GALNT13: variants seen among roughly 807,000 people sequenced by gnomAD.
The protein encoded by GALNT13 is UDP-GalNAc:polypeptide N-acetylgalactosaminyltransferase 13.
Under a neutral mutation model 64.2 loss-of-function variants are expected in GALNT13, and 28 were observed. The ratio of observed to expected loss-of-function variants is 0.44; its 90% confidence interval spans 0.32 to 0.60. The LOEUF is 0.60. Ranked by LOEUF, GALNT13 falls within the 20% of genes least tolerant of loss-of-function variation. The pLI, the probability that GALNT13 is intolerant of heterozygous loss-of-function variation, is 0.05. For missense variants in GALNT13, 577 were observed against 669.8 expected (o/e 0.86, Z 1.53); for synonymous variants, 214 against 224.6 (o/e 0.95, Z 0.42).
the GALNT13 span, among the ~76,000 whole-genome samples, chr2:153,209,222 C>T: frequency 3.3e-5 from 5 of 151,974 alleles, no homozygotes; most frequent in Non-Finnish European, 2.9e-5. Context: ...CCTCAAGATC[C>T]ACCCGCCTCG....
intron 4 of GALNT13, among the ~76,000 whole-genome samples, chr2:154,226,344 T>TA (rs1270714825): frequency 2.0e-5 from 3 of 152,148 alleles, no homozygotes; most frequent in African/African-American, 7.2e-5. Flanking sequence ...ATGCACTAAA[T>TA]ACACAGTATC....
chr2:154,287,204 G>T, intron 8 of GALNT13: 1 of 1,455,098 alleles, frequency 6.9e-7, no homozygotes, highest in African/African-American at 1.4e-5. Context: ...GGCCAGATTT[G>T]TGGTGGAAAA....
chr2:153,900,378 G>A (rs577279218), intron 1 of GALNT13, among the ~76,000 whole-genome samples: 1 of 152,210 alleles, frequency 6.6e-6, no homozygotes, highest in Admixed American at 6.5e-5. Flanking sequence ...GGAACTGTTT[G>A]TGTATTTTTG....
chr2:153,466,152 TTCTC>T, the GALNT13 span, among the ~76,000 whole-genome samples: 1 of 152,124 alleles, frequency 6.6e-6, no homozygotes, highest in Non-Finnish European at 1.5e-5. Flanking sequence ...AGAGAATTTA[TTCTC>T]TCTCAAAGCA....
chr2:153,699,728 C>T, the GALNT13 span, among the ~76,000 whole-genome samples: 2 of 152,018 alleles, frequency 1.3e-5, no homozygotes, highest in Non-Finnish European at 2.9e-5. Context: ...ATGCAAATAA[C>T]CTAGAAAATC....
At chr2:153,839,723 T>C in the GALNT13 span, among the ~76,000 whole-genome samples, 1 of 151,956 alleles carries the variant, frequency 6.6e-6, no homozygotes, top group South Asian at 2.1e-4. Context: ...GAAATATACA[T>C]TTGTATTTTT....
chr2:153,835,006 C>G, the GALNT13 span, among the ~76,000 whole-genome samples: 1 of 151,974 alleles, frequency 6.6e-6, no homozygotes, highest in Non-Finnish European at 1.5e-5. Context: ...AGAAAAGACA[C>G]GCGAAGAAAA....
the GALNT13 span, among the ~76,000 whole-genome samples, chr2:153,603,308 T>C: frequency 6.6e-6 from 1 of 151,826 alleles, no homozygotes; most frequent in Non-Finnish European, 1.5e-5. Context: ...TAGCAGCGAC[T>C]CATGTCAGAG....
chr2:153,816,529 A>G, the GALNT13 span, among the ~76,000 whole-genome samples: 1 of 152,212 alleles, frequency 6.6e-6, no homozygotes, highest in Non-Finnish European at 1.5e-5. Flanking sequence ...CTGCTGCCAC[A>G]TTTAGAAATA....
the GALNT13 span, chr2:153,356,702 T>C: frequency 6.6e-6 from 1 of 151,822 alleles, no homozygotes; most frequent in African/African-American, 2.4e-5. Flanking sequence ...TGAGAGCCTG[T>C]GTATGGGGTG....
At chr2:154,242,655 C>CTTTCAAAATTTCAAAATTTTGAAATTTCA (rs1689556677) in intron 5 of GALNT13, 43 bp from the exon 6 acceptor site, 1 of 1,352,086 alleles carries the variant, frequency 7.4e-7, no homozygotes. Flanking sequence ...TTTCTTAAAA[C>CTTTCAAAATTTCAAAATTTTGAAATTTCA]AGTTTCAAAA....
At chr2:154,076,781 A>G (rs1436821655) in intron 3 of GALNT13, among the ~76,000 whole-genome samples, 1 of 151,670 alleles carries the variant, frequency 6.6e-6, no homozygotes, top group Non-Finnish European at 1.5e-5. Flanking sequence ...ATTGGGTAGT[A>G]ATTAAGGGTT....
chr2:154,091,793 C>T (rs1052134167), intron 3 of GALNT13, among the ~76,000 whole-genome samples: 9 of 151,148 alleles, frequency 6.0e-5, no homozygotes, highest in Non-Finnish European at 8.9e-5. Context: ...TATTTTTTTC[C>T]ACTATATTGA....
the GALNT13 span, among the ~76,000 whole-genome samples, chr2:153,293,506 C>T: frequency 6.6e-6 from 1 of 152,076 alleles, no homozygotes; most frequent in East Asian, 1.9e-4. Flanking sequence ...GGCAAGAAAA[C>T]CAATTTTCTC....
At chr2:154,041,403 A>G (rs1338957386) in intron 3 of GALNT13, among the ~76,000 whole-genome samples, 1 of 140,532 alleles carries the variant, frequency 7.1e-6, no homozygotes, top group Non-Finnish European at 1.6e-5. Flanking sequence ...GTGTAGAAAT[A>G]TGCAATTTTT....
At position 154,414,823 on chromosome 2, in the gene GALNT13, A is replaced by G. The variant is rs960141624; in HGVS notation, c.1395+5741A>G. On this transcript the variant is annotated intron_variant, in intron 11 of 12. Transcript: ENST00000392825. ...ATATACAGACTTTTCAAGTTTATAT[A>G]TTAAAACCAATGTTTGCCTTAATAC... Among the ~76,000 whole-genome samples, 3 of 152,058 alleles carry G rather than the reference A, an allele frequency of 2.0e-5. 1 individual carries two copies. The highest frequency in any genetic ancestry group is 7.2e-5 in the African/African-American group (3 of 41,524).
the GALNT13 span, among the ~76,000 whole-genome samples, chr2:153,162,486 A>G: frequency 1.2e-4 from 18 of 152,276 alleles, no homozygotes; most frequent in Admixed American, 5.2e-4. Flanking sequence ...AGGGCTTTTG[A>G]TGATTGGAAA....
chr2:154,332,373 C>T (rs983158653), intron 9 of GALNT13, among the ~76,000 whole-genome samples: 2 of 151,998 alleles, frequency 1.3e-5, no homozygotes, highest in African/African-American at 4.8e-5. Flanking sequence ...CTCAGTGAGT[C>T]TCCTCAGCAA....
chr2:153,960,169 T>G (rs1692846726), intron 3 of GALNT13, among the ~76,000 whole-genome samples: 2 of 152,252 alleles, frequency 1.3e-5, no homozygotes, highest in African/African-American at 2.4e-5. Context: ...ATCCTCAGTC[T>G]GCTAATCACT....
Sources: allele counts gnomAD v4.1 joint callset (sites outside exome capture counted in the v4.1 genomes callset), GRCh38; gene constraint gnomAD v4.1.1; transcripts MANE v1.5; gene names NCBI Gene and HGNC (gene_info 2026-07-23, HGNC 2026-07-21).